The following CEACAM19 variants were observed in gnomAD, a reference collection of about 807,000 sequenced individuals.
CEACAM19 encodes the protein cell adhesion molecule CEACAM19.
CEACAM19 carries 37 observed loss-of-function variants against 37.6 expected under a neutral mutation model. The observed-to-expected ratio is 0.98, with a 90% CI of 0.76 to 1.29. The LOEUF (loss-of-function observed/expected upper bound fraction) is 1.29, where lower values mean the gene tolerates loss of function less well. Ranked by LOEUF, CEACAM19 falls within the 50% of genes most tolerant of loss-of-function variation. The probability of loss-of-function intolerance (pLI) is 0.00; values close to 1 mark genes in which losing one functional copy is unlikely to be tolerated. For synonymous variants in CEACAM19, 140 were observed against 149.8 expected (o/e 0.93, Z 0.48); for missense variants, 340 against 375.6 (o/e 0.91, Z 0.78).
intron 2 of CEACAM19, among the ~76,000 whole-genome samples, chr19:44,675,097 CGTGTGTGTGTGTGTGTGTGTGT>C (rs59147604): frequency 7.0e-6 from 1 of 143,798 alleles, no homozygotes; most frequent in Non-Finnish European, 1.5e-5. Context: ...CAGAGAACAG[CGTGTGTGTGTGTGTGTGTGTGT>C]GTGTGTGTGT....
chr19:44,668,218 ATATT>A (rs1441666148), upstream of CEACAM19, among the ~76,000 whole-genome samples: 11 of 85,444 alleles, frequency 1.3e-4, no homozygotes, highest in African/African-American at 3.4e-4. Flanking sequence ...TATTTATATA[ATATT>A]TATATATTAT....
intron 2 of CEACAM19, 72 bp downstream of exon 2, chr19:44,673,036 GT>G (rs1973885616): frequency 1.6e-6 from 2 of 1,256,718 alleles, no homozygotes; most frequent in South Asian, 4.4e-5. Flanking sequence ...ACCAGGTGCT[GT>G]GCAAACACCA....
At chr19:44,677,205 T>G (rs1283889507) in intron 3 of CEACAM19, among the ~76,000 whole-genome samples, 1 of 152,168 alleles carries the variant, frequency 6.6e-6, no homozygotes, top group Non-Finnish European at 1.5e-5. Context: ...ACATGACTTT[T>G]CATGAACCAA....
intron 1 of CEACAM19, 27 bp downstream of exon 1, chr19:44,672,013 C>T: frequency 6.3e-7 from 1 of 1,578,488 alleles, no homozygotes; most frequent in Non-Finnish European, 8.7e-7. Context: ...CCCTAAAGGC[C>T]AAGGGGAGAA....
chr19:44,680,963 C>G (rs576461626), intron 5 of CEACAM19, among the ~76,000 whole-genome samples: 1 of 151,914 alleles, frequency 6.6e-6, no homozygotes, highest in African/African-American at 2.4e-5. Context: ...GGCTCCCACC[C>G]GCCCCCAGTC....
intron 1 of CEACAM19, 159 bp from the exon 2 acceptor site, chr19:44,672,437 C>T: frequency 1.3e-6 from 1 of 796,730 alleles, no homozygotes; most frequent in Non-Finnish European, 1.8e-6. Context: ...GTTCCCACTC[C>T]TGCACCCAGG....
chr19:44,669,699 C>G (rs116165470), upstream of CEACAM19, among the ~76,000 whole-genome samples: 1 of 152,056 alleles, frequency 6.6e-6, no homozygotes, highest in African/African-American at 2.4e-5. Flanking sequence ...GCTGCCTCAC[C>G]CCATCATCTG....
Position 44,681,274 on chromosome 19 carries a change from TCC to T in CEACAM19, c.758_759del (p.Pro253HisfsTer3). On this transcript the variant is annotated frameshift_variant, in exon 6 of 8. Transcript: ENST00000358777. LOFTEE classifies it high-confidence loss of function. ...GATGCCCTCTCCAGTCCTCCTGGTGTCCCCCATCAGTGACACAAGGTCCATAA... is the reference window on the plus strand; with the variant it reads ...GATGCCCTCTCCAGTCCTCCTGGTGTCCCATCAGTGACACAAGGTCCATAA... The part of the protein sequence containing the change: ...EVMPSPVLLV[S>X]PISDTRSINP... 1 of 1,613,906 alleles carries T rather than the reference TCC, an allele frequency of 6.2e-7. No homozygotes were observed. Among genetic ancestry groups the T allele is most frequent in the Non-Finnish European group, 8.5e-7 (1 of 1,179,946 alleles).
rs773693702 is a variant in CEACAM19 at position 44,681,294 on chromosome 19, G to A, written c.774G>A (p.Arg258=). ...TGGTGTCCCCCATCAGTGACACAAG[G>A]TCCATAAACCCAGCCCGGGTGAGTC... The part of the protein sequence containing the change: ...VLLVSPISDT[R]SINPARPLPT... Residue 258 remains arginine, a synonymous_variant, in exon 6 of 8, where the codon AGG becomes AGA. Coordinates refer to ENST00000358777, the MANE Select transcript of CEACAM19 (RefSeq NM_001127893.3). 2 of 1,613,860 alleles carry A rather than the reference G, an allele frequency of 1.2e-6. No individual in the cohort carries two copies. Among genetic ancestry groups the A allele is most frequent in the South Asian group, 2.2e-5 (2 of 91,036 alleles).
At chr19:44,681,783 A>G (rs1024094734) in intron 6 of CEACAM19, among the ~76,000 whole-genome samples, 11 of 151,914 alleles carry the variant, frequency 7.2e-5, no homozygotes, top group African/African-American at 2.4e-4. Context: ...TACAAAAATT[A>G]GCCAGGTGTG....
upstream of CEACAM19, among the ~76,000 whole-genome samples, chr19:44,667,824 T>TA (rs1973756759): frequency 1.3e-5 from 1 of 74,302 alleles, no homozygotes; most frequent in Non-Finnish European, 2.3e-5. Context: ...TATATATAAA[T>TA]TATATATTTT....
chr19:44,666,580 GA>G (rs575572049), upstream of CEACAM19, among the ~76,000 whole-genome samples: 6 of 152,202 alleles, frequency 3.9e-5, no homozygotes, highest in Non-Finnish European at 7.3e-5. Flanking sequence ...TGAGGCAAGA[GA>G]ATCGCTTGAA....
chr19:44,667,736 A>G (rs1400919344), upstream of CEACAM19, among the ~76,000 whole-genome samples: 2 of 75,464 alleles, frequency 2.7e-5, no homozygotes, highest in African/African-American at 1.2e-4. Flanking sequence ...ATATTTATAT[A>G]TATAATATAT....
At chr19:44,667,775 ATAAT>A (rs1315568185), upstream of CEACAM19, among the ~76,000 whole-genome samples, 1 of 74,026 alleles carries the variant, frequency 1.4e-5, no homozygotes, top group Non-Finnish European at 2.3e-5. Flanking sequence ...ATATTTATAT[ATAAT>A]ATATAAATAT....
chr19:44,679,767 A>T (rs1210018542), intron 4 of CEACAM19, among the ~76,000 whole-genome samples: 15 of 150,944 alleles, frequency 9.9e-5, no homozygotes, highest in Non-Finnish European at 2.1e-4. Flanking sequence ...AAATTAAAAT[A>T]AAATAAAATA....
At chr19:44,672,464 A>C in intron 1 of CEACAM19, 132 bp from the exon 2 acceptor site, 1 of 1,012,306 alleles carries the variant, frequency 9.9e-7, no homozygotes, top group Non-Finnish European at 1.4e-6. Flanking sequence ...ATCACTAATC[A>C]ATCCCAGCAT....
chr19:44,668,518 A>AATT (rs1311580887), upstream of CEACAM19, among the ~76,000 whole-genome samples: 32 of 41,394 alleles, frequency 7.7e-4, 2 homozygotes, highest in African/African-American at 3.0e-3. Context: ...TATTAGTTAT[A>AATT]ATATAAATAT....
chr19:44,668,712 T>G (rs1301644739), upstream of CEACAM19, among the ~76,000 whole-genome samples: 83 of 68,556 alleles, frequency 1.2e-3, no homozygotes, highest in Non-Finnish European at 1.9e-3. Context: ...ATATTATATA[T>G]TATAATATGT....
rs765000006 is a variant in CEACAM19 at position 44,676,439 on chromosome 19, G to A, written c.575+18G>A. 1 of 1,613,102 alleles carries A rather than the reference G, an allele frequency of 6.2e-7. No individual in the cohort carries two copies. The highest frequency in any genetic ancestry group is 2.2e-5 in the East Asian group (1 of 44,862). On this transcript the variant is annotated intron_variant, in intron 3 of 7. Transcript: ENST00000358777. ...AGCCACAGGTACAGGGTCCCCAAGTGTCCCTCTCCTGTCTGCTCCCACTGT... is the reference window on the plus strand; with the variant it reads ...AGCCACAGGTACAGGGTCCCCAAGTATCCCTCTCCTGTCTGCTCCCACTGT...
Sources: gnomAD v4.1 joint callset for allele counts (sites outside exome capture counted in the v4.1 genomes callset) on GRCh38, gnomAD v4.1.1 for gene constraint, MANE v1.5 for transcripts, NCBI Gene and HGNC (gene_info 2026-07-23, HGNC 2026-07-21) for gene names.